TEAD1: variants seen among roughly 807,000 people sequenced by gnomAD.
The protein encoded by TEAD1 is transcriptional enhancer factor TEF-1.
Under a neutral mutation model 54.9 loss-of-function variants are expected in TEAD1, and 9 were observed. The ratio of observed to expected loss-of-function variants is 0.16; its 90% CI spans 0.10 to 0.29. The LOEUF is 0.29. Ranked by LOEUF, TEAD1 falls within the 10% of genes least tolerant of loss-of-function variation. The pLI, the probability that TEAD1 is intolerant of heterozygous loss-of-function variation, is 1.00. For missense variants in TEAD1, 387 were observed against 535.9 expected (o/e 0.72, Z 2.74); for synonymous variants, 200 against 187.8 (o/e 1.07, Z -0.53).
intron 2 of TEAD1, among the ~76,000 whole-genome samples, chr11:12,703,548 G>T (rs1943747922): frequency 6.6e-6 from 1 of 152,158 alleles, no homozygotes. Context: ...AGGGATCTTT[G>T]CTTTCTTTAG....
chr11:12,860,082 A>G (rs973910075), intron 3 of TEAD1, among the ~76,000 whole-genome samples: 1 of 152,168 alleles, frequency 6.6e-6, no homozygotes, highest in African/African-American at 2.4e-5. Context: ...AGTGTTCCAA[A>G]GCTTGTCAGA....
chr11:12,850,448 A>G (rs1040635828), intron 3 of TEAD1, among the ~76,000 whole-genome samples: 1 of 152,188 alleles, frequency 6.6e-6, no homozygotes, highest in African/African-American at 2.4e-5. Flanking sequence ...AAAAGAGTTG[A>G]AGGACCATTT....
intron 3 of TEAD1, among the ~76,000 whole-genome samples, chr11:12,768,636 G>A (rs1265204848): frequency 6.6e-6 from 1 of 152,216 alleles, no homozygotes; most frequent in Non-Finnish European, 1.5e-5. Flanking sequence ...CTGAGCTTTT[G>A]TTCCTTCCTT....
intron 3 of TEAD1, among the ~76,000 whole-genome samples, chr11:12,837,445 T>C (rs1772225832): frequency 6.6e-6 from 1 of 152,066 alleles, no homozygotes; most frequent in Admixed American, 6.6e-5. Flanking sequence ...GTTATACTAG[T>C]CTGGTAGGGC....
At chr11:12,690,467 T>A (rs1304098230) in intron 2 of TEAD1, among the ~76,000 whole-genome samples, 1 of 152,186 alleles carries the variant, frequency 6.6e-6, no homozygotes, top group African/African-American at 2.4e-5. Context: ...CCTGTGTTTC[T>A]CTTCTAGACT....
chr11:12,765,572 A>G (rs1379518715), intron 3 of TEAD1, among the ~76,000 whole-genome samples: 1 of 152,170 alleles, frequency 6.6e-6, no homozygotes, highest in African/African-American at 2.4e-5. Context: ...GGCTTCAACT[A>G]GCACACACTG....
At chr11:12,677,402 C>T (rs1943120653) in intron 2 of TEAD1, among the ~76,000 whole-genome samples, 1 of 152,106 alleles carries the variant, frequency 6.6e-6, no homozygotes, top group Admixed American at 6.6e-5. Flanking sequence ...CTCCCTTTCC[C>T]ATTTCCTCTC....
At chr11:12,748,259 G>T (rs979018261) in intron 2 of TEAD1, among the ~76,000 whole-genome samples, 4 of 152,178 alleles carry the variant, frequency 2.6e-5, no homozygotes, top group African/African-American at 7.2e-5. Flanking sequence ...GCTGCGCCTG[G>T]TCTAATCCCT....
intron 3 of TEAD1, among the ~76,000 whole-genome samples, chr11:12,843,246 G>A (rs1445468485): frequency 6.6e-6 from 1 of 152,122 alleles, no homozygotes; most frequent in East Asian, 1.9e-4. Flanking sequence ...CCAGCTCTAA[G>A]GGTAGGTAAT....
chr11:12,813,928 CTT>C (rs1946360435), intron 3 of TEAD1, among the ~76,000 whole-genome samples: 1 of 152,154 alleles, frequency 6.6e-6, no homozygotes, highest in Non-Finnish European at 1.5e-5. Context: ...CCAGCTCTCT[CTT>C]GGACATGGTT....
chr11:12,869,975 G>T (rs913416787), intron 5 of TEAD1, among the ~76,000 whole-genome samples: 14 of 152,170 alleles, frequency 9.2e-5, no homozygotes, highest in Non-Finnish European at 1.6e-4. Context: ...CGCCTCCCGG[G>T]TTCAAGCGAT....
intron 3 of TEAD1, among the ~76,000 whole-genome samples, chr11:12,833,258 A>G (rs1946818073): frequency 6.6e-6 from 1 of 152,224 alleles, no homozygotes; most frequent in African/African-American, 2.4e-5. Flanking sequence ...TTTTTAATCA[A>G]GACTTTATCA....
intron 3 of TEAD1, among the ~76,000 whole-genome samples, chr11:12,814,693 C>T (rs1226026805): frequency 6.6e-6 from 1 of 152,064 alleles, no homozygotes. Context: ...GAGGCTTAGA[C>T]ATGTTAGGAA....
intron 3 of TEAD1, among the ~76,000 whole-genome samples, chr11:12,859,003 T>G (rs1421706145): frequency 6.6e-6 from 1 of 152,150 alleles, no homozygotes; most frequent in Non-Finnish European, 1.5e-5. Flanking sequence ...AATCTAAACA[T>G]AGAAAAGACA....
At chr11:12,685,625 G>T (rs1943315928) in intron 2 of TEAD1, among the ~76,000 whole-genome samples, 1 of 152,166 alleles carries the variant, frequency 6.6e-6, no homozygotes, top group South Asian at 2.1e-4. Context: ...TCGTTTCAAA[G>T]ATAAACAGTA....
At chr11:12,795,174 C>T (rs893069684) in intron 3 of TEAD1, among the ~76,000 whole-genome samples, 2 of 152,142 alleles carry the variant, frequency 1.3e-5, no homozygotes, top group African/African-American at 4.8e-5. Flanking sequence ...ACTGTGTTGC[C>T]ATCAATGCTT....
rs1947955132 is a variant in TEAD1, at chr11:12,880,996, G to T, written c.466-9G>T. ...CGTAATTCTGAGGCCTTTGCATTTT[G>T]CCTTCCAGTTCTGGCCGGGAATGAT... On this transcript the variant is annotated splice_polypyrimidine_tract_variant and intron_variant, in intron 6 of 12. Coordinates refer to ENST00000527636, the MANE Select transcript of TEAD1 (RefSeq NM_021961.6). The T allele has an allele frequency of 6.2e-7, 1 of 1,614,192 alleles. No individual in the cohort carries two copies. Among genetic ancestry groups the T allele is most frequent in the East Asian group, 2.2e-5 (1 of 44,876 alleles).
intron 11 of TEAD1, 71 bp downstream of exon 11, chr11:12,925,123 G>A (rs1948883266): frequency 1.3e-6 from 2 of 1,569,250 alleles, no homozygotes; most frequent in Non-Finnish European, 8.7e-7. Flanking sequence ...ACCTTCCTTG[G>A]GGCAGAGAGT....
chr11:12,888,947 C>T (rs534479336), intron 9 of TEAD1, among the ~76,000 whole-genome samples: 1 of 152,186 alleles, frequency 6.6e-6, no homozygotes, highest in Non-Finnish European at 1.5e-5. Flanking sequence ...GGGGGATGAT[C>T]GCCCCCTGCT....
Sources: gnomAD v4.1 joint callset for allele counts (sites outside exome capture counted in the v4.1 genomes callset) on GRCh38, gnomAD v4.1.1 for gene constraint, MANE v1.5 for transcripts, NCBI Gene and HGNC (gene_info 2026-07-23, HGNC 2026-07-21) for gene names.